The following ELP3 variants were observed in gnomAD, a reference collection of about 807,000 sequenced individuals.
ELP3 encodes elongator acetyltransferase complex subunit 3.
Under a neutral mutation model 74.9 loss-of-function variants are expected in ELP3, and 56 were observed. That is an observed-to-expected ratio of 0.75 (90% CI 0.60 to 0.93). ELP3 has a LOEUF of 0.93. Ranked by LOEUF, ELP3 falls within the 40% of genes least tolerant of loss-of-function variation. The probability of loss-of-function intolerance (pLI) is 0.00; values close to 1 mark genes in which losing one functional copy is unlikely to be tolerated. For missense variants in ELP3, 573 were observed against 686.5 expected (o/e 0.83, Z 1.85); for synonymous variants, 222 against 239.8 (o/e 0.93, Z 0.68).
intron 6 of ELP3, chr8:28,112,449 A>G (rs1277565766): frequency 6.6e-6 from 1 of 152,150 alleles, no homozygotes; most frequent in Non-Finnish European, 1.5e-5. Flanking sequence ...TTCATTTTTA[A>G]TCAGACTTTC....
At chr8:28,172,782 A>T (rs1048977311) in intron 14 of ELP3, among the ~76,000 whole-genome samples, 3 of 152,084 alleles carry the variant, frequency 2.0e-5, no homozygotes, top group African/African-American at 7.2e-5. Flanking sequence ...AGTTTTTCAC[A>T]TATGGCCTTT....
In ELP3 at chr8:28,106,347, C is replaced by T. The variant is rs890594157; in HGVS notation, c.259-366C>T. 4.0e-5 allele frequency among the ~76,000 whole-genome samples: 6 copies of T among 151,464 alleles called. No individual in the cohort carries two copies. The East Asian group carries it at 5.8e-4, about 15-fold the overall frequency. ...CGAGGTCAGGAGATCGAGACCATCC[C>T]GGCTAAAACGGTGAAACCCCGTCTC... On this transcript the variant is annotated intron_variant, in intron 3 of 14. Transcript: ENST00000256398.
chr8:28,097,329 A>G lies in ELP3; in HGVS notation c.119+11A>G, dbSNP rs746231197. On this transcript the variant is annotated intron_variant, in intron 2 of 14. Coordinates refer to ENST00000256398, the MANE Select transcript of ELP3 (RefSeq NM_018091.6). The stretch of plus-strand genomic sequence containing the variant: ...CATCGATCTAAATAAGTAAGTGGAT[A>G]TAAAGAGAGAGCAAGCTTGTTCTTA... 5 of 1,581,218 alleles carry G rather than the reference A, an allele frequency of 3.2e-6. No homozygotes were observed. The highest frequency in any genetic ancestry group is 4.3e-6 in the Non-Finnish European group (5 of 1,151,620).
intron 10 of ELP3, among the ~76,000 whole-genome samples, chr8:28,153,997 A>G (rs980173518): frequency 6.6e-6 from 1 of 152,204 alleles, no homozygotes; most frequent in African/African-American, 2.4e-5. Context: ...AACTAAGGAT[A>G]CAGAGAGGAG....
Position 28,189,936 on chromosome 8 carries a change from A to T in ELP3, c.*211A>T, listed in dbSNP as rs1400702030. On this transcript the variant is annotated 3_prime_UTR_variant, in exon 15 of 15. Coordinates refer to ENST00000256398, the MANE Select transcript of ELP3 (RefSeq NM_018091.6). ...CCGCCCTCTCCTGCGTGCACCCCAA[A>T]AAATCACTTGCGTTTTTGAGGCTTA... The T allele has an allele frequency of 2.1e-6, 1 of 480,770 alleles. No individual in the cohort carries two copies. The highest frequency in any genetic ancestry group is 3.7e-6 in the Non-Finnish European group (1 of 270,902). 29.8% of individuals were successfully genotyped at this position (480,770 alleles called of 1,614,324 possible). A position where few individuals can be genotyped will look rare whatever the true frequency, so the allele number is the denominator to read the frequency against.
At chr8:28,124,729 T>C (rs1199506089) in intron 7 of ELP3, among the ~76,000 whole-genome samples, 1 of 152,176 alleles carries the variant, frequency 6.6e-6, no homozygotes, top group African/African-American at 2.4e-5. Context: ...AAACAAAATG[T>C]TATAAGCTGT....
chr8:28,113,678 ACAGC>A (rs1812009795), intron 7 of ELP3: 1 of 152,272 alleles, frequency 6.6e-6, no homozygotes, highest in Non-Finnish European at 1.5e-5. Flanking sequence ...GTATTGGCTC[ACAGC>A]TTTGGAGGTT....
At position 28,137,743 on chromosome 8, in the gene ELP3, T is replaced by C; in HGVS notation, c.952T>C (p.Tyr318His). Reference protein sequence around the residue: ...PAFRPDGLKLYPTLVIRGTGL... With the variant: ...PAFRPDGLKLHPTLVIRGTGL... ...TTTTCGTCCCGATGGGCTGAAACTC[T>C]ATCCTACCCTGGTGATTCGTGGGAC... The change falls in exon 10 of 15, where the codon TAT becomes CAT. Residue 318 changes from tyrosine to histidine, a missense_variant. Physicochemically the swap from Tyr to His is moderately conservative, Grantham distance 83. Coordinates refer to ENST00000256398, the MANE Select transcript of ELP3 (RefSeq NM_018091.6). The C allele has an allele frequency of 6.2e-7, 1 of 1,613,654 alleles. No homozygotes were observed. The highest frequency in any genetic ancestry group is 8.5e-7 in the Non-Finnish European group (1 of 1,179,916).
intron 14 of ELP3, among the ~76,000 whole-genome samples, chr8:28,175,808 G>A (rs1387533388): frequency 6.5e-4 from 72 of 110,176 alleles, no homozygotes; most frequent in African/African-American, 2.0e-3. Flanking sequence ...TTTGTCTAGT[G>A]ACTTTTTTTT....
intron 10 of ELP3, among the ~76,000 whole-genome samples, chr8:28,139,595 C>G (rs745316132): frequency 1.3e-5 from 2 of 152,020 alleles, no homozygotes; most frequent in African/African-American, 4.8e-5. Flanking sequence ...TCATTACTCC[C>G]TAAACAATAC....
At chr8:28,153,923 G>C (rs1813732045) in intron 10 of ELP3, among the ~76,000 whole-genome samples, 1 of 152,076 alleles carries the variant, frequency 6.6e-6, no homozygotes, top group African/African-American at 2.4e-5. Flanking sequence ...TTAGGCCTCT[G>C]CTCTCTTCCT....
At chr8:28,102,265 A>T (rs1811519314) in intron 3 of ELP3, among the ~76,000 whole-genome samples, 1 of 152,176 alleles carries the variant, frequency 6.6e-6, no homozygotes, top group South Asian at 2.1e-4. Flanking sequence ...AGTATAGCAT[A>T]ACCAAAACTA....
intron 14 of ELP3, among the ~76,000 whole-genome samples, 178 bp from the exon 15 acceptor site, chr8:28,189,471 A>G (rs1489755600): frequency 6.6e-6 from 1 of 152,232 alleles, no homozygotes; most frequent in East Asian, 1.9e-4. Flanking sequence ...AGCAGTTTCT[A>G]TATTTTAATG....
Position 28,129,564 on chromosome 8 carries a change from G to C in ELP3, c.680G>C (p.Cys227Ser), listed in dbSNP as rs376894589. ...ACTATTGAAACCAGACCAGATTACT[G>C]CATGAAGCGACATTTAAGTGACATG... ...GITIETRPDY[C>S]MKRHLSDMLT... is the part of the protein sequence containing the mutation. Residue 227 changes from cysteine (C) to serine (S), a missense_variant, in exon 8 of 15, where the codon TGC becomes TCC. Physicochemically the swap from Cys to Ser is moderately radical, Grantham distance 112. Transcript: ENST00000256398. 6.2e-7 allele frequency: 1 copy of C among 1,614,044 alleles called. No individual in the cohort carries two copies. The highest frequency in any genetic ancestry group is 2.2e-5 in the East Asian group (1 of 44,886).
intron 14 of ELP3, among the ~76,000 whole-genome samples, chr8:28,165,767 CTGATT>C (rs1315895380): frequency 1.3e-5 from 2 of 152,142 alleles, no homozygotes; most frequent in African/African-American, 4.8e-5. Flanking sequence ...CACAGTAGAT[CTGATT>C]TGAGTCACTA....
At chr8:28,179,864 T>C (rs1245510985) in intron 14 of ELP3, among the ~76,000 whole-genome samples, 1 of 151,972 alleles carries the variant, frequency 6.6e-6, no homozygotes, top group Non-Finnish European at 1.5e-5. Context: ...CTGTGTGGCC[T>C]GGGGGTTGGG....
rs76627327 is a variant in ELP3, at chr8:28,141,019, T to C, written c.1100+3128T>C. The stretch of plus-strand genomic sequence containing the variant: ...ACCTTGTATTTTCCCTAAGAGCAAT[T>C]ACTCAGTATACAGTGTAAGTGTGTT... On this transcript the variant is annotated intron_variant, in intron 10 of 14. Coordinates refer to ENST00000256398, the MANE Select transcript of ELP3 (RefSeq NM_018091.6). Among the ~76,000 whole-genome samples, 1,485 of 152,328 alleles carry C rather than the reference T, an allele frequency of 9.7e-3. 24 individuals are homozygous for C. Among genetic ancestry groups the C allele is most frequent in the African/African-American group, 0.034 (1,396 of 41,576 alleles).
At chr8:28,162,104 G>A (rs1814120014) in intron 14 of ELP3, 26 bp downstream of exon 14, 1 of 1,610,534 alleles carries the variant, frequency 6.2e-7, no homozygotes, top group African/African-American at 1.3e-5. Context: ...CGAAGTTCAT[G>A]ATTCCTTCCC....
intron 14 of ELP3, among the ~76,000 whole-genome samples, chr8:28,170,703 ATT>A (rs1814489572): frequency 6.6e-6 from 1 of 152,012 alleles, no homozygotes; most frequent in South Asian, 2.1e-4. Context: ...TTGTAAGAAA[ATT>A]TTTTTCATTT....
Sources: gnomAD v4.1 joint callset for allele counts (sites outside exome capture counted in the v4.1 genomes callset) on GRCh38, gnomAD v4.1.1 for gene constraint, MANE v1.5 for transcripts, NCBI Gene and HGNC (gene_info 2026-07-23, HGNC 2026-07-21) for gene names.